The following MB21D2 variants were observed in gnomAD, a reference collection of about 807,000 sequenced individuals.
MB21D2 encodes the protein nucleotidyltransferase MB21D2.
A neutral mutation model predicts 33.3 loss-of-function variants in MB21D2; 9 were observed. The observed-to-expected ratio is 0.27, with a 90% CI of 0.16 to 0.47. MB21D2 has a LOEUF of 0.47. Among genes scored for constraint, MB21D2 ranks in the 20% least tolerant of loss-of-function variants. The pLI is 0.99. For missense variants in MB21D2, 540 were observed against 624.6 expected (o/e 0.86, Z 1.44); for synonymous variants, 241 against 236.3 (o/e 1.02, Z -0.18).
chr3:192,872,401 C>A (rs1329939124), intron 1 of MB21D2, among the ~76,000 whole-genome samples: 1 of 151,944 alleles, frequency 6.6e-6, no homozygotes, highest in Non-Finnish European at 1.5e-5. Context: ...ACGGTGAAAA[C>A]CCGTCTCTAC....
At chr3:192,900,903 T>G (rs1461403035) in intron 1 of MB21D2, among the ~76,000 whole-genome samples, 2 of 150,606 alleles carry the variant, frequency 1.3e-5, no homozygotes, top group African/African-American at 4.9e-5. Context: ...ATCGCGCCAC[T>G]GCACTCCAGC....
intron 1 of MB21D2, among the ~76,000 whole-genome samples, chr3:192,809,482 A>T (rs1164322528): frequency 1.3e-5 from 2 of 152,182 alleles, no homozygotes; most frequent in African/African-American, 4.8e-5. Context: ...CTGGGATCCA[A>T]ATTCAAGTTG....
rs71177378 is a variant in MB21D2 at position 192,834,809 on chromosome 3, C to CTTTT, written c.212-35163_212-35160dup. ...GGTACAGATGTTTGAGAGGATTGTT[C>CTTTT]TTTTTTTTTTTTTTTTTTTTGAGAC... On this transcript the variant is annotated intron_variant, in intron 1 of 1. Coordinates refer to ENST00000392452, the MANE Select transcript of MB21D2 (RefSeq NM_178496.4). Among the ~76,000 whole-genome samples the CTTTT allele has an allele frequency of 4.0e-4, 48 of 119,830 alleles. 1 individual carries two copies. The highest frequency in any genetic ancestry group is 1.1e-3 in the African/African-American group (34 of 30,766). The allele number at this position is 119,830 out of a possible 152,430, so 78.6% of individuals were successfully genotyped here.
At chr3:192,905,699 T>G (rs1307155345) in intron 1 of MB21D2, among the ~76,000 whole-genome samples, 1 of 137,630 alleles carries the variant, frequency 7.3e-6, no homozygotes, top group Non-Finnish European at 1.6e-5. Flanking sequence ...GGCATGGAGG[T>G]GTGTGTGCCT....
At chr3:192,832,440 G>A (rs896463175) in intron 1 of MB21D2, among the ~76,000 whole-genome samples, 9 of 152,116 alleles carry the variant, frequency 5.9e-5, no homozygotes, top group African/African-American at 1.7e-4. Flanking sequence ...CTTAAGTGAT[G>A]GCAAATTACA....
intron 1 of MB21D2, among the ~76,000 whole-genome samples, chr3:192,809,487 A>G (rs180677270): frequency 6.6e-6 from 1 of 152,274 alleles, no homozygotes; most frequent in Admixed American, 6.5e-5. Context: ...ATCCAAATTC[A>G]AGTTGATCCT....
intron 1 of MB21D2, among the ~76,000 whole-genome samples, chr3:192,874,305 T>A (rs1577191876): frequency 6.6e-6 from 1 of 152,180 alleles, no homozygotes; most frequent in South Asian, 2.1e-4. Flanking sequence ...AATGAATGGC[T>A]GAACAAATGA....
At chr3:192,836,001 G>C (rs1010616915) in intron 1 of MB21D2, among the ~76,000 whole-genome samples, 1 of 152,206 alleles carries the variant, frequency 6.6e-6, no homozygotes, top group Admixed American at 6.5e-5. Flanking sequence ...GGGTGTCTCT[G>C]AGGTGTTGGA....
At chr3:192,829,314 T>C (rs1179728889) in intron 1 of MB21D2, among the ~76,000 whole-genome samples, 1 of 152,246 alleles carries the variant, frequency 6.6e-6, no homozygotes, top group African/African-American at 2.4e-5. Context: ...CTAATATGAA[T>C]AAAACTTTTG....
chr3:192,871,293 T>C (rs1290775311), intron 1 of MB21D2, among the ~76,000 whole-genome samples: 1 of 152,246 alleles, frequency 6.6e-6, no homozygotes, highest in Non-Finnish European at 1.5e-5. Flanking sequence ...TACTACCTTA[T>C]GAAAAATGAC....
intron 1 of MB21D2, among the ~76,000 whole-genome samples, chr3:192,890,771 C>T (rs367757371): frequency 7.9e-4 from 120 of 152,070 alleles, no homozygotes; most frequent in African/African-American, 2.8e-3. Flanking sequence ...TATGGCATTA[C>T]GTCATAACGA....
intron 1 of MB21D2, among the ~76,000 whole-genome samples, chr3:192,867,723 C>T (rs1463097293): frequency 6.6e-6 from 1 of 152,152 alleles, no homozygotes; most frequent in African/African-American, 2.4e-5. Flanking sequence ...GCCCTTGAAT[C>T]TAAGAGGGCT....
chr3:192,917,516 C>G (rs1371719606), intron 1 of MB21D2, 114 bp downstream of exon 1: 5 of 1,082,564 alleles, frequency 4.6e-6, no homozygotes, highest in Non-Finnish European at 6.8e-6. Context: ...CCCAAGGCAC[C>G]GGCTCGGGAA....
intron 1 of MB21D2, among the ~76,000 whole-genome samples, chr3:192,822,272 G>A (rs1712076805): frequency 6.6e-6 from 1 of 152,122 alleles, no homozygotes; most frequent in African/African-American, 2.4e-5. Flanking sequence ...GTTGAAGAGA[G>A]CTTGTGATAC....
At chr3:192,843,919 C>G (rs143180689) in intron 1 of MB21D2, among the ~76,000 whole-genome samples, 2 of 152,280 alleles carry the variant, frequency 1.3e-5, no homozygotes, top group East Asian at 3.9e-4. Context: ...GAAACGTATG[C>G]TCCGTTTGTA....
intron 1 of MB21D2, among the ~76,000 whole-genome samples, chr3:192,914,009 C>T (rs4687367): frequency 0.53 from 79,843 of 152,018 alleles, 21,415 homozygotes; most frequent in African/African-American, 0.61. Context: ...ACTTATATTA[C>T]GCTAAAACTT....
intron 1 of MB21D2, among the ~76,000 whole-genome samples, chr3:192,826,873 T>A (rs908644674): frequency 1.3e-5 from 2 of 151,942 alleles, no homozygotes; most frequent in South Asian, 2.1e-4. Flanking sequence ...CAATTTTGGC[T>A]TCAATTGTTT....
chr3:192,917,269 A>T (rs933081844), intron 1 of MB21D2, among the ~76,000 whole-genome samples: 4 of 152,210 alleles, frequency 2.6e-5, no homozygotes, highest in Non-Finnish European at 5.9e-5. Flanking sequence ...CCTCAACTGA[A>T]GGCACCTCAG....
chr3:192,838,546 G>A (rs1478028999), intron 1 of MB21D2, among the ~76,000 whole-genome samples: 14 of 150,772 alleles, frequency 9.3e-5, no homozygotes, highest in South Asian at 4.2e-4. Context: ...CTCCTGCCTC[G>A]GCCTCCCGAG....
Sources: gnomAD v4.1 joint callset for allele counts (sites outside exome capture counted in the v4.1 genomes callset) on GRCh38, gnomAD v4.1.1 for gene constraint, MANE v1.5 for transcripts, NCBI Gene and HGNC (gene_info 2026-07-23, HGNC 2026-07-21) for gene names.